Variants in DOCK3 observed in about 807,000 individuals in gnomAD.
The protein encoded by DOCK3 is dedicator of cytokinesis protein 3.
A neutral mutation model predicts 265.6 loss-of-function variants in DOCK3; 60 were observed. The ratio of observed to expected loss-of-function variants is 0.23; its 90% CI spans 0.18 to 0.28. The LOEUF is 0.28. DOCK3 is among the 10% of genes least tolerant of loss of function. DOCK3 has a pLI of 1.00. For missense variants in DOCK3, 1,981 were observed against 2,594.3 expected, an observed-to-expected ratio of 0.76 and a Z score of 5.14; for synonymous variants, 881 against 938.0, an observed-to-expected ratio of 0.94 and a Z score of 1.11.
chr3:50,996,876 C>A (rs2078306158), intron 5 of DOCK3, among the ~76,000 whole-genome samples: 1 of 152,202 alleles, frequency 6.6e-6, no homozygotes, highest in Non-Finnish European at 1.5e-5. Flanking sequence ...CTGTCTCTGA[C>A]AGCACCTCTT....
At chr3:51,308,255 G>A (rs1216326868) in intron 27 of DOCK3, among the ~76,000 whole-genome samples, 1 of 147,822 alleles carries the variant, frequency 6.8e-6, no homozygotes, top group Non-Finnish European at 1.5e-5. Context: ...ATTCTTGGGT[G>A]TTTCTCGCAG....
chr3:50,991,848 A>G (rs2078117187), intron 5 of DOCK3, among the ~76,000 whole-genome samples: 1 of 152,190 alleles, frequency 6.6e-6, no homozygotes, highest in South Asian at 2.1e-4. Flanking sequence ...TGGACATAAA[A>G]TAGTCCTCAA....
intron 9 of DOCK3, among the ~76,000 whole-genome samples, chr3:51,125,167 A>G (rs2084214007): frequency 6.6e-6 from 1 of 152,142 alleles, no homozygotes; most frequent in African/African-American, 2.4e-5. Flanking sequence ...ATTAAGAGAG[A>G]GTAAAAAGCA....
chr3:51,046,202 A>G (rs768178645), intron 5 of DOCK3, among the ~76,000 whole-genome samples: 16 of 152,196 alleles, frequency 1.1e-4, no homozygotes, highest in Non-Finnish European at 1.9e-4. Context: ...AAACAGAGAA[A>G]GTAGTTAACA....
chr3:50,715,865 A>G (rs779207433), intron 1 of DOCK3, among the ~76,000 whole-genome samples: 1 of 152,196 alleles, frequency 6.6e-6, no homozygotes, highest in Non-Finnish European at 1.5e-5. Flanking sequence ...TTTAACATTT[A>G]TTAAACTTTT....
intron 6 of DOCK3, among the ~76,000 whole-genome samples, chr3:51,070,972 C>T (rs1264209990): frequency 4.6e-5 from 7 of 152,144 alleles, no homozygotes; most frequent in South Asian, 2.1e-4. Flanking sequence ...CCCCCCGATC[C>T]GTGGAAAAAT....
At chr3:51,053,530 T>A (rs768586433) in intron 5 of DOCK3, among the ~76,000 whole-genome samples, 1 of 151,632 alleles carries the variant, frequency 6.6e-6, no homozygotes, top group Non-Finnish European at 1.5e-5. Flanking sequence ...CACACCATTC[T>A]CCTGCCTTAA....
At chr3:51,080,849 G>A (rs1161990208) in intron 7 of DOCK3, among the ~76,000 whole-genome samples, 2 of 151,686 alleles carry the variant, frequency 1.3e-5, no homozygotes, top group African/African-American at 2.4e-5. Context: ...TAACCTTCCA[G>A]TGAGATATGG....
chr3:50,700,137 G>C (rs950910504), intron 1 of DOCK3, among the ~76,000 whole-genome samples: 2 of 152,132 alleles, frequency 1.3e-5, no homozygotes, highest in African/African-American at 4.8e-5. Context: ...AAATCAGCCA[G>C]ATGTAGTGGT....
chr3:51,271,687 T>G (rs567450061), intron 24 of DOCK3, among the ~76,000 whole-genome samples: 1 of 152,150 alleles, frequency 6.6e-6, no homozygotes, highest in East Asian at 1.9e-4. Flanking sequence ...CTATCTCTAC[T>G]GAAAATACAA....
intron 32 of DOCK3, among the ~76,000 whole-genome samples, chr3:51,317,035 C>G (rs1230412872): frequency 6.6e-6 from 1 of 152,012 alleles, no homozygotes; most frequent in Non-Finnish European, 1.5e-5. Context: ...TTTTTCTTAA[C>G]ATAGGGCCAC....
chr3:50,820,611 T>G (rs1452866746), intron 2 of DOCK3, among the ~76,000 whole-genome samples: 2 of 152,202 alleles, frequency 1.3e-5, no homozygotes, highest in African/African-American at 4.8e-5. Flanking sequence ...TCTTTGCTAT[T>G]GTGAATAGTG....
intron 5 of DOCK3, among the ~76,000 whole-genome samples, chr3:50,975,886 G>A (rs1254364203): frequency 6.7e-6 from 1 of 149,522 alleles, no homozygotes; most frequent in African/African-American, 2.5e-5. Context: ...TGTATGTGTC[G>A]AGGAATTTAT....
intron 5 of DOCK3, among the ~76,000 whole-genome samples, chr3:50,951,173 A>G (rs1398737169): frequency 6.6e-6 from 1 of 152,156 alleles, no homozygotes; most frequent in Non-Finnish European, 1.5e-5. Context: ...ATGGGCATTG[A>G]TATCCTCATT....
chr3:51,122,905 C>G (rs2084095169), intron 9 of DOCK3, among the ~76,000 whole-genome samples: 1 of 152,214 alleles, frequency 6.6e-6, no homozygotes, highest in Non-Finnish European at 1.5e-5. Flanking sequence ...TGCATGCGCA[C>G]ACAGACACAT....
At chr3:51,316,700 C>T (rs1485514478) in intron 32 of DOCK3, among the ~76,000 whole-genome samples, 1 of 152,132 alleles carries the variant, frequency 6.6e-6, no homozygotes, top group Non-Finnish European at 1.5e-5. Context: ...TTTCTATTTC[C>T]CTAGTGACTA....
intron 13 of DOCK3, among the ~76,000 whole-genome samples, chr3:51,212,856 C>A (rs748052215): frequency 1.3e-5 from 2 of 152,008 alleles, no homozygotes; most frequent in African/African-American, 4.8e-5. Flanking sequence ...ACTTGAGATA[C>A]CATGTTTGTA....
At chr3:51,161,209 C>T (rs1347239714) in intron 12 of DOCK3, among the ~76,000 whole-genome samples, 1 of 151,966 alleles carries the variant, frequency 6.6e-6, no homozygotes, top group Non-Finnish European at 1.5e-5. Context: ...CTTTGGGAGG[C>T]CAAGGCAGGC....
At chr3:50,718,479 A>G (rs558735213) in intron 1 of DOCK3, among the ~76,000 whole-genome samples, 9 of 152,196 alleles carry the variant, frequency 5.9e-5, no homozygotes, top group Non-Finnish European at 1.0e-4. Context: ...GTATGACTTT[A>G]AACCCCTTTC....
Sources: allele counts gnomAD v4.1 joint callset (sites outside exome capture counted in the v4.1 genomes callset), GRCh38; gene constraint gnomAD v4.1.1; transcripts MANE v1.5; gene names NCBI Gene and HGNC (gene_info 2026-07-23, HGNC 2026-07-21).